PIWIL1: variants seen among roughly 807,000 people sequenced by gnomAD.
PIWIL1 encodes piwi-like protein 1.
In PIWIL1, 73 loss-of-function variants were observed where a neutral mutation model predicts 114.4. That is an observed-to-expected ratio of 0.64 (90% CI 0.53 to 0.78). PIWIL1 has a LOEUF of 0.78. Ranked by LOEUF, PIWIL1 falls within the 30% of genes least tolerant of loss-of-function variation. The pLI is 0.00. For missense variants in PIWIL1, 723 were observed against 1,063.1 expected (o/e 0.68, Z 4.45); for synonymous variants, 375 against 369.0 (o/e 1.02, Z -0.19).
chr12:130,404,799 C>CA, the PIWIL1 span, among the ~76,000 whole-genome samples: 1 of 152,064 alleles, frequency 6.6e-6, no homozygotes, highest in Non-Finnish European at 1.5e-5. Flanking sequence ...GGACTCTTTA[C>CA]AAAATGTTCC....
the PIWIL1 span, among the ~76,000 whole-genome samples, chr12:130,403,203 C>T: frequency 1.3e-5 from 2 of 152,116 alleles, no homozygotes; most frequent in African/African-American, 2.4e-5. Flanking sequence ...ATTAGGTGTC[C>T]CCTGTCATTG....
chr12:130,419,642 A>G, the PIWIL1 span: 1 of 152,226 alleles, frequency 6.6e-6, no homozygotes, highest in Admixed American at 6.5e-5. This position sits in a 1 kb window ranked among gnomAD's most constrained non-coding sequence, Gnocchi z 4.3. Context: ...CCTGGACACA[A>G]AGAAAACACG....
intron 8 of PIWIL1, 109 bp downstream of exon 8, chr12:130,349,545 G>A: frequency 1.3e-6 from 1 of 747,832 alleles, no homozygotes; most frequent in Non-Finnish European, 2.2e-6. Flanking sequence ...GGTGGGAATA[G>A]CACAAAACAA....
rs1464336878 is a variant in PIWIL1 at position 130,342,893 on chromosome 12, A to T, written c.79-97A>T. Reference sequence around the variant, plus strand: ...AAAATATTTGATTATTAATTTAGATAGGTGTTGGTTGAATTCCTGAGACTT... The same window carrying T: ...AAAATATTTGATTATTAATTTAGATTGGTGTTGGTTGAATTCCTGAGACTT... On this transcript the variant is annotated intron_variant, in intron 2 of 20. Coordinates refer to ENST00000245255, the MANE Select transcript of PIWIL1 (RefSeq NM_004764.5). 3 of 808,088 alleles carry T rather than the reference A, an allele frequency of 3.7e-6. No individual in the cohort carries two copies. The African/African-American group carries it at 5.2e-5, about 14-fold the overall frequency. 50.1% of individuals were successfully genotyped at this position (808,088 alleles called of 1,614,324 possible).
intron 1 of PIWIL1, among the ~76,000 whole-genome samples, chr12:130,341,385 G>T (rs1449756332): frequency 1.3e-5 from 2 of 152,194 alleles, no homozygotes; most frequent in African/African-American, 4.8e-5. Context: ...TGGATAACAA[G>T]GTGCAACAAG....
the PIWIL1 span, among the ~76,000 whole-genome samples, chr12:130,410,546 G>A: frequency 6.6e-6 from 1 of 152,194 alleles, no homozygotes; most frequent in Admixed American, 6.5e-5. Context: ...TTAATATGGT[G>A]AGAGTGTGGT....
intron 8 of PIWIL1, 75 bp downstream of exon 8, chr12:130,349,511 A>T (rs1283184005): frequency 2.0e-6 from 2 of 991,678 alleles, no homozygotes; most frequent in Non-Finnish European, 3.1e-6. Flanking sequence ...CTACCATGTT[A>T]AGAAATAGTG....
chr12:130,421,181 C>T, the PIWIL1 span, among the ~76,000 whole-genome samples: 2 of 152,180 alleles, frequency 1.3e-5, no homozygotes, highest in Middle Eastern at 3.2e-3. Context: ...GAGGGAACGA[C>T]ACACGAATTG....
exon 21 of PIWIL1, chr12:130,372,624 AAAAAAAAAAAAAAAAG>A: frequency 6.9e-6 from 1 of 145,464 alleles, no homozygotes; most frequent in Non-Finnish European, 1.5e-5. Context: ...AAAAAAAAAA[AAAAAAAAAAAAAAAAG>A]CTCAATTAGT....
the PIWIL1 span, among the ~76,000 whole-genome samples, chr12:130,411,398 A>C: frequency 6.6e-6 from 1 of 152,038 alleles, no homozygotes; most frequent in Admixed American, 6.6e-5. Context: ...GTGGAAAAGG[A>C]GTGGTGAGGG....
intron 19 of PIWIL1, 107 bp downstream of exon 19, chr12:130,367,365 AT>A: frequency 1.8e-6 from 2 of 1,087,316 alleles, no homozygotes; most frequent in Admixed American, 5.6e-5. Flanking sequence ...TTGTTCTTAT[AT>A]TTTTTATAAA....
the PIWIL1 span, chr12:130,422,477 G>A: frequency 2.9e-5 from 47 of 1,612,364 alleles, no homozygotes; most frequent in East Asian, 1.6e-4. The surrounding 1 kb of genome is among the most constrained non-coding windows in gnomAD (Gnocchi z 5.2). Flanking sequence ...GTCACGGGCC[G>A]GGACCTCTGA....
At chr12:130,415,885 C>T in the PIWIL1 span, among the ~76,000 whole-genome samples, 50 of 152,248 alleles carry the variant, frequency 3.3e-4, no homozygotes, top group Admixed American at 1.8e-3. Context: ...GTATAAAAAT[C>T]AGTAGCATTT....
intron 1 of PIWIL1, among the ~76,000 whole-genome samples, chr12:130,341,960 A>G (rs200429837): frequency 6.6e-6 from 1 of 152,202 alleles, no homozygotes; most frequent in Admixed American, 6.5e-5. Flanking sequence ...CATTCTTTTT[A>G]TTTAGATATA....
chr12:130,346,496 C>T lies in PIWIL1; in HGVS notation c.443C>T (p.Ala148Val), dbSNP rs565632859. The T allele has an allele frequency of 5.6e-6, 9 of 1,613,742 alleles. No individual in the cohort carries two copies. The highest frequency in any genetic ancestry group is 1.7e-4 in the Middle Eastern group (1 of 6,060). Residue 148 changes from alanine (A) to valine (V), a missense_variant, in exon 5 of 21, where the codon GCT (alanine) becomes GTT (valine). Around this residue, in one of 8 missense-constraint regions of PIWIL1, gnomAD observed 190 missense variants for 294.4 expected, o/e 0.65. Transcript: ENST00000245255. The part of the protein sequence containing the change: ...PLMEARRLRS[A>V]LLFQHEDLIG... ...ATGGAAGCCAGAAGACTCCGTTCAG[C>T]TCTTCTTTTTCAACACGAAGATCTA...
chr12:130,379,009 C>A, the PIWIL1 span, among the ~76,000 whole-genome samples: 1 of 152,202 alleles, frequency 6.6e-6, no homozygotes, highest in Non-Finnish European at 1.5e-5. Context: ...ACTTCCTACT[C>A]TTCGATGTGC....
At chr12:130,367,046 T>G (rs1387180852) in intron 18 of PIWIL1, 87 bp from the exon 19 acceptor site, 1 of 1,490,308 alleles carries the variant, frequency 6.7e-7, no homozygotes, top group African/African-American at 1.4e-5. Context: ...GTGTTCCTTT[T>G]TAAATGGAGC....
At chr12:130,374,932 C>T (rs1269950234), downstream of PIWIL1, among the ~76,000 whole-genome samples, 3 of 152,188 alleles carry the variant, frequency 2.0e-5, no homozygotes, top group Admixed American at 6.5e-5. Flanking sequence ...GGGTCACTCA[C>T]AGTGCTGCTG....
the PIWIL1 span, chr12:130,406,136 A>T: frequency 7.8e-7 from 1 of 1,281,594 alleles, no homozygotes. Flanking sequence ...AAAATACAAA[A>T]ATCAAATGGT....
Sources: allele counts gnomAD v4.1 joint callset (sites outside exome capture counted in the v4.1 genomes callset), GRCh38; gene constraint gnomAD v4.1.1; regional missense constraint gnomAD v4.1.1; non-coding constraint Gnocchi (gnomAD v3.1); transcripts MANE v1.5; gene names NCBI Gene and HGNC (gene_info 2026-07-23, HGNC 2026-07-21).